The following ZC3H12B variants were observed in gnomAD, a reference collection of about 807,000 sequenced individuals.
ZC3H12B encodes probable ribonuclease ZC3H12B.
ZC3H12B carries 7 observed loss-of-function variants against 43.9 expected under a neutral mutation model. That is an observed-to-expected ratio of 0.16 (90% CI 0.09 to 0.30). The LOEUF is 0.30. Ranked by LOEUF, ZC3H12B falls within the 10% of genes least tolerant of loss-of-function variation. The pLI is 1.00. For missense variants in ZC3H12B, 475 were observed against 670.2 expected (o/e 0.71, Z 3.22); for synonymous variants, 222 against 241.7 (o/e 0.92, Z 0.76).
At chrX:65,061,688 G>A in the ZC3H12B span, among the ~76,000 whole-genome samples, 3 of 112,278 alleles carry the variant, frequency 2.7e-5, no homozygotes, top group African/African-American at 9.7e-5. Context: ...ACCCAGTAAT[G>A]GGATTGCTGG....
the ZC3H12B span, among the ~76,000 whole-genome samples, chrX:65,212,962 G>T: frequency 9.4e-6 from 1 of 106,345 alleles, no homozygotes; most frequent in Non-Finnish European, 1.9e-5. Context: ...TACCATCATT[G>T]GTCTGTGTAA....
the ZC3H12B span, among the ~76,000 whole-genome samples, chrX:65,228,522 A>C: frequency 9.0e-6 from 1 of 110,894 alleles, no homozygotes; most frequent in Non-Finnish European, 1.9e-5. Context: ...TAGTGTTGGA[A>C]GTTCTGGCCA....
chrX:65,144,455 TG>T, the ZC3H12B span, among the ~76,000 whole-genome samples: 21 of 112,329 alleles, frequency 1.9e-4, no homozygotes, highest in Admixed American at 1.8e-3. Context: ...TGTATTTTTT[TG>T]TTTCAATTTT....
intron 3 of ZC3H12B, among the ~76,000 whole-genome samples, chrX:65,431,434 A>G (rs981084879): frequency 2.7e-5 from 3 of 112,448 alleles, no homozygotes; most frequent in Admixed American, 9.4e-5. Context: ...TGGTGGCCTT[A>G]GCCAAGTTGG....
intron 1 of ZC3H12B, among the ~76,000 whole-genome samples, chrX:65,491,362 C>A (rs1009134917): frequency 3.6e-5 from 4 of 111,726 alleles, no homozygotes; most frequent in Non-Finnish European, 7.5e-5. Flanking sequence ...TAATCTGACT[C>A]CAATTCTCTT....
the ZC3H12B span, among the ~76,000 whole-genome samples, chrX:65,068,281 T>A: frequency 3.6e-5 from 4 of 110,735 alleles, no homozygotes; most frequent in African/African-American, 1.3e-4. Context: ...TGTTTTCTGG[T>A]CTTCTCTTGC....
At chrX:65,293,176 C>A in the ZC3H12B span, among the ~76,000 whole-genome samples, 1 of 111,351 alleles carries the variant, frequency 9.0e-6, no homozygotes, top group Admixed American at 9.5e-5. Context: ...CACCACAGGA[C>A]TCTTTCCAGA....
At chrX:65,219,954 C>A in the ZC3H12B span, among the ~76,000 whole-genome samples, 1 of 110,624 alleles carries the variant, frequency 9.0e-6, no homozygotes, top group Non-Finnish European at 1.9e-5. Context: ...AGTTGTGAGG[C>A]AAATGTGTCA....
At chrX:65,189,323 G>A in the ZC3H12B span, among the ~76,000 whole-genome samples, 1 of 82,123 alleles carries the variant, frequency 1.2e-5, no homozygotes, top group African/African-American at 5.6e-5. Flanking sequence ...GTAATGGAAT[G>A]GCTGGGTCAA....
At chrX:65,165,427 A>C in the ZC3H12B span, among the ~76,000 whole-genome samples, 1 of 111,423 alleles carries the variant, frequency 9.0e-6, no homozygotes, top group Admixed American at 9.5e-5. Flanking sequence ...CTCACACTTC[A>C]TTTGCCCCAC....
At chrX:65,286,682 T>C in the ZC3H12B span, among the ~76,000 whole-genome samples, 1 of 110,290 alleles carries the variant, frequency 9.1e-6, no homozygotes, top group African/African-American at 3.3e-5. Context: ...TTTCCAAGAA[T>C]CAAATGCATA....
chrX:65,503,011 T>C lies in ZC3H12B; in HGVS notation c.2313T>C (p.Leu771=), dbSNP rs774784624. The C allele has an allele frequency of 8.3e-6, 10 of 1,209,186 alleles. No homozygotes were observed. In the Admixed American group the frequency reaches 2.2e-4, roughly 26 times the overall value. The change falls in exon 5 of 5, where the codon CTT becomes CTC. Residue 771 remains leucine (L), a synonymous_variant. Transcript: ENST00000338957. ...GCGTGCCTGAAAAGATGGAGCAGCT[T>C]TGGAGGAATCCTTGGGTTGGAATGT...
At chrX:65,382,448 T>A (rs1232005513) in intron 2 of ZC3H12B, among the ~76,000 whole-genome samples, 2 of 111,496 alleles carry the variant, frequency 1.8e-5, no homozygotes, top group Non-Finnish European at 3.8e-5. Flanking sequence ...TGATGGGACG[T>A]ATCTCAAAAT....
At chrX:65,370,448 A>G (rs1302660439) in intron 2 of ZC3H12B, among the ~76,000 whole-genome samples, 1 of 112,164 alleles carries the variant, frequency 8.9e-6, no homozygotes, top group Non-Finnish European at 1.9e-5. Context: ...ACTTGAAATA[A>G]AAAATATGAA....
At chrX:65,346,616 A>G in the ZC3H12B span, among the ~76,000 whole-genome samples, 1 of 112,370 alleles carries the variant, frequency 8.9e-6, no homozygotes, top group Non-Finnish European at 1.9e-5. Flanking sequence ...CCAAAAATTG[A>G]CAGGTGGGTC....
At chrX:65,071,485 C>T in the ZC3H12B span, among the ~76,000 whole-genome samples, 1 of 110,177 alleles carries the variant, frequency 9.1e-6, no homozygotes, top group African/African-American at 3.3e-5. Context: ...TGTGGATTTT[C>T]TCCTGTCATT....
At chrX:65,080,960 C>T in the ZC3H12B span, among the ~76,000 whole-genome samples, 1 of 107,856 alleles carries the variant, frequency 9.3e-6, no homozygotes, top group Admixed American at 1.0e-4. Context: ...ATCAATAAAA[C>T]AGTAAAAAGT....
chrX:65,455,204 A>C (rs968601173), intron 3 of ZC3H12B, among the ~76,000 whole-genome samples: 1 of 112,105 alleles, frequency 8.9e-6, no homozygotes, highest in Non-Finnish European at 1.9e-5. Flanking sequence ...GTTTGAACCC[A>C]TGGCAAAGAA....
chrX:65,427,987 T>C (rs1202218745), intron 3 of ZC3H12B, among the ~76,000 whole-genome samples: 1 of 111,766 alleles, frequency 8.9e-6, no homozygotes, highest in Admixed American at 9.5e-5. Context: ...GCATTCTTTG[T>C]CTTAAAGGAT....
Sources: gnomAD v4.1 joint callset for allele counts (sites outside exome capture counted in the v4.1 genomes callset) on GRCh38, gnomAD v4.1.1 for gene constraint, MANE v1.5 for transcripts, NCBI Gene and HGNC (gene_info 2026-07-23, HGNC 2026-07-21) for gene names.